The following KCNMA1 variants were observed in gnomAD, a reference collection of about 807,000 sequenced individuals.
KCNMA1 encodes the protein Calcium-activated potassium channel subunit alpha-1.
Under a neutral mutation model 140.0 loss-of-function variants are expected in KCNMA1, and 29 were observed. The ratio of observed to expected loss-of-function variants is 0.21; its 90% confidence interval spans 0.15 to 0.28. KCNMA1 has a LOEUF of 0.28. Among genes scored for constraint, KCNMA1 ranks in the 10% least tolerant of loss-of-function variants. The probability of loss-of-function intolerance (pLI) is 1.00; values close to 1 mark genes in which losing one functional copy is unlikely to be tolerated. For missense variants in KCNMA1, 880 were observed against 1,602.2 expected, an observed-to-expected ratio of 0.55 and a Z score of 7.70; for synonymous variants, 612 against 611.9, an observed-to-expected ratio of 1.00 and a Z score of 0.00.
chr10:77,524,006 A>G (rs2054588647), intron 1 of KCNMA1, among the ~76,000 whole-genome samples: 1 of 152,254 alleles, frequency 6.6e-6, no homozygotes, highest in African/African-American at 2.4e-5. Context: ...TTCACTCTCC[A>G]TGATGTGCTT....
chr10:77,198,998 A>C (rs2041623099), intron 3 of KCNMA1, among the ~76,000 whole-genome samples: 1 of 152,226 alleles, frequency 6.6e-6, no homozygotes, highest in African/African-American at 2.4e-5. Flanking sequence ...TTCCACACTC[A>C]GTGAGACCTT....
chr10:77,170,476 CTCCATCCCTGGGAGAAGGTCAG>C (rs2098692325), intron 5 of KCNMA1, among the ~76,000 whole-genome samples: 1 of 62,558 alleles, frequency 1.6e-5, no homozygotes, highest in Non-Finnish European at 3.1e-5. Context: ...GGAGGTGAGG[CTCCATCCCTGGGAGAAGGTCAG>C]AGGTGAGGCT....
intron 19 of KCNMA1, among the ~76,000 whole-genome samples, chr10:76,972,338 G>A (rs2076314254): frequency 6.6e-6 from 1 of 152,174 alleles, no homozygotes; most frequent in Admixed American, 6.5e-5. Context: ...TGCTACCATG[G>A]TTGTGTCCAG....
intron 3 of KCNMA1, among the ~76,000 whole-genome samples, chr10:77,231,582 C>A (rs2053611980): frequency 6.6e-6 from 1 of 152,124 alleles, no homozygotes; most frequent in African/African-American, 2.4e-5. Flanking sequence ...GAGGAAAATA[C>A]CTGTTATGGT....
intron 1 of KCNMA1, among the ~76,000 whole-genome samples, chr10:77,615,904 C>T (rs1026959968): frequency 6.6e-6 from 1 of 152,188 alleles, no homozygotes; most frequent in African/African-American, 2.4e-5. Flanking sequence ...AGGCCAACTT[C>T]ATCATAACAG....
chr10:77,474,648 T>TC (rs1167358504), intron 1 of KCNMA1, among the ~76,000 whole-genome samples: 1 of 152,088 alleles, frequency 6.6e-6, no homozygotes, highest in African/African-American at 2.4e-5. Flanking sequence ...TCTTTTTTTT[T>TC]TCTCTCTCTC....
At chr10:76,943,752 G>T (rs1183161742) in intron 23 of KCNMA1, among the ~76,000 whole-genome samples, 1 of 152,202 alleles carries the variant, frequency 6.6e-6, no homozygotes, top group East Asian at 1.9e-4. Context: ...GGCAGTGGTG[G>T]TGATGTCAAG....
chr10:77,137,297 C>A (rs994292930), intron 5 of KCNMA1, among the ~76,000 whole-genome samples: 5 of 152,216 alleles, frequency 3.3e-5, no homozygotes, highest in African/African-American at 1.2e-4. Flanking sequence ...TTCCCTTTCA[C>A]TCCTTAATCT....
chr10:77,079,788 C>A lies in KCNMA1; in HGVS notation c.1524-238G>T. 4 of 567,002 alleles carry A rather than the reference C, an allele frequency of 7.1e-6. No homozygotes were observed. In the South Asian group the frequency reaches 7.9e-5, roughly 11 times the overall value. 35.1% of individuals were successfully genotyped at this position (567,002 alleles called of 1,614,324 possible). ...AGTGTGCCCTGTCAGTTTACCATTG[C>A]CATGGCAACACCCAGGAGGTTCCCT... is the stretch of plus-strand genomic sequence containing the variant. On this transcript the variant is annotated intron_variant, in intron 12 of 27. Coordinates refer to ENST00000286628, the MANE Select transcript of KCNMA1 (RefSeq NM_001161352.2).
intron 9 of KCNMA1, chr10:77,090,779 T>C (rs948093827): frequency 7.4e-6 from 4 of 543,054 alleles, no homozygotes; most frequent in Non-Finnish European, 1.3e-5. Context: ...TTTGGCCAAG[T>C]GGTTTTATGC....
At chr10:76,896,393 T>C (rs1023917553) in intron 25 of KCNMA1, among the ~76,000 whole-genome samples, 3 of 152,202 alleles carry the variant, frequency 2.0e-5, no homozygotes, top group African/African-American at 7.2e-5. Context: ...TGTTATCCTG[T>C]TCTTAAGGTG....
At position 77,108,612 on chromosome 10, in the gene KCNMA1, G is replaced by T; in HGVS notation, c.1132-40C>A. ...GACAGAAGAGAGACTAAAAAGACAG[G>T]CCAAAGAAAAGGGGGGACCTGTTCA... is the stretch of plus-strand genomic sequence containing the variant. On this transcript the variant is annotated intron_variant, in intron 8 of 27. Transcript: ENST00000286628. This position sits in a 1 kb window ranked among gnomAD's most constrained non-coding sequence, Gnocchi z 4.6. 1 of 1,514,082 alleles carries T rather than the reference G, an allele frequency of 6.6e-7. No individual in the cohort carries two copies. 93.8% of individuals were successfully genotyped at this position (1,514,082 alleles called of 1,614,324 possible).
intron 3 of KCNMA1, among the ~76,000 whole-genome samples, chr10:77,237,070 A>G (rs2055764522): frequency 6.6e-6 from 1 of 152,162 alleles, no homozygotes. Context: ...CTTACAATAC[A>G]TCTTATTTTG....
At chr10:77,524,470 TAAG>T (rs957977735) in intron 1 of KCNMA1, among the ~76,000 whole-genome samples, 7 of 152,124 alleles carry the variant, frequency 4.6e-5, no homozygotes, top group Non-Finnish European at 5.9e-5. Flanking sequence ...CTCAGAATAA[TAAG>T]AAGAAGAATA....
chr10:77,409,594 G>A (rs142097462), intron 1 of KCNMA1, among the ~76,000 whole-genome samples: 4 of 152,324 alleles, frequency 2.6e-5, no homozygotes, highest in Non-Finnish European at 2.9e-5. Context: ...GGGTTCAGGT[G>A]TGAGGGTCAC....
At chr10:77,593,583 G>A (rs1034569983) in intron 1 of KCNMA1, among the ~76,000 whole-genome samples, 1 of 152,176 alleles carries the variant, frequency 6.6e-6, no homozygotes, top group Non-Finnish European at 1.5e-5. Flanking sequence ...CATTTACAAA[G>A]CATTTTTATA....
At chr10:77,110,466 G>C in intron 7 of KCNMA1, 123 bp from the exon 8 acceptor site, 1 of 840,236 alleles carries the variant, frequency 1.2e-6, no homozygotes, top group Non-Finnish European at 2.1e-6. Flanking sequence ...CTCCACACGA[G>C]ATGTGTGGTT....
intron 1 of KCNMA1, among the ~76,000 whole-genome samples, chr10:77,533,541 ACAGGGAC>A (rs917684463): frequency 6.6e-6 from 1 of 152,140 alleles, no homozygotes; most frequent in African/African-American, 2.4e-5. Context: ...CTCCTTGAGT[ACAGGGAC>A]CAGTCTTTCT....
intron 3 of KCNMA1, among the ~76,000 whole-genome samples, chr10:77,219,790 A>G (rs1319656210): frequency 6.6e-6 from 1 of 152,104 alleles, no homozygotes; most frequent in African/African-American, 2.4e-5. Context: ...TGGCTAATTT[A>G]GCAACCTCAA....
Sources: gnomAD v4.1 joint callset for allele counts (sites outside exome capture counted in the v4.1 genomes callset) on GRCh38, gnomAD v4.1.1 for gene constraint, Gnocchi (gnomAD v3.1) non-coding constraint, MANE v1.5 for transcripts, NCBI Gene and HGNC (gene_info 2026-07-23, HGNC 2026-07-21) for gene names.